The following IMPG2 variants were observed in gnomAD, a reference collection of about 807,000 sequenced individuals.
The protein encoded by IMPG2 is interphotoreceptor matrix proteoglycan 2.
IMPG2 carries 91 observed loss-of-function variants against 129.2 expected under a neutral mutation model. That is an observed-to-expected ratio of 0.70 (90% confidence interval 0.59 to 0.84). The LOEUF is 0.84. IMPG2 is among the 40% of genes least tolerant of loss of function. The pLI is 0.00. For synonymous variants in IMPG2, 510 were observed against 517.7 expected, an observed-to-expected ratio of 0.99 and a Z score of 0.20; for missense variants, 1,430 against 1,461.7, an observed-to-expected ratio of 0.98 and a Z score of 0.35.
intron 11 of IMPG2, among the ~76,000 whole-genome samples, chr3:101,251,804 T>C (rs1313409788): frequency 1.3e-5 from 2 of 152,054 alleles, no homozygotes; most frequent in Non-Finnish European, 1.5e-5. Context: ...TATAAAATAA[T>C]TTTTAAAAAT....
Position 101,291,470 on chromosome 3 carries a change from G to T in IMPG2, c.533+9C>A. On this transcript the variant is annotated intron_variant, in intron 4 of 18. Transcript: ENST00000193391. Reference sequence around the variant, plus strand: ...CCAAACATGAATTTTGGGAAAAAGAGACACTCACCTGCTTACAGTTTCCTT... The same window carrying T: ...CCAAACATGAATTTTGGGAAAAAGATACACTCACCTGCTTACAGTTTCCTT... The T allele has an allele frequency of 6.2e-7, 1 of 1,611,930 alleles. No homozygotes were observed.
At chr3:101,244,915 T>C (rs982200778) in intron 12 of IMPG2, 128 bp from the exon 13 acceptor site, 299 of 781,760 alleles carry the variant, frequency 3.8e-4, no homozygotes, top group Non-Finnish European at 3.4e-4. Flanking sequence ...CTTTTGCTTT[T>C]CTATATCTAG....
At chr3:101,285,872 A>C (rs1203801207) in intron 4 of IMPG2, among the ~76,000 whole-genome samples, 1 of 152,202 alleles carries the variant, frequency 6.6e-6, no homozygotes, top group Non-Finnish European at 1.5e-5. Flanking sequence ...CTGGGCTTTT[A>C]GTATGTAAAT....
At chr3:101,238,506 C>A (rs554275540) in intron 14 of IMPG2, among the ~76,000 whole-genome samples, 1 of 152,302 alleles carries the variant, frequency 6.6e-6, no homozygotes, top group East Asian at 1.9e-4. Context: ...ACCCATCAGA[C>A]TAACAGCGGA....
intron 5 of IMPG2, 81 bp downstream of exon 5, chr3:101,276,583 C>A: frequency 1.1e-6 from 1 of 940,718 alleles, no homozygotes; most frequent in Non-Finnish European, 1.7e-6. Context: ...AGGTAAGCTG[C>A]AAAAAATGTA....
At chr3:101,239,385 A>C (rs1454607584) in intron 14 of IMPG2, among the ~76,000 whole-genome samples, 2 of 152,242 alleles carry the variant, frequency 1.3e-5, no homozygotes, top group African/African-American at 4.8e-5. Flanking sequence ...TCACAATGAG[A>C]TACCATCTCA....
rs1270701020 is a variant in IMPG2 at position 101,284,256 on chromosome 3, C to T, written c.533+7223G>A. 2.6e-5 allele frequency among the ~76,000 whole-genome samples: 4 copies of T among 152,310 alleles called. No individual in the cohort carries two copies. The East Asian group carries it at 7.7e-4, about 29-fold the overall frequency. On this transcript the variant is annotated intron_variant, in intron 4 of 18. Coordinates refer to ENST00000193391, the MANE Select transcript of IMPG2 (RefSeq NM_016247.4). ...TGTTGAGTTTGAAATGTCTACTTGA[C>T]ATTCACATAGAGATGTCATCATAAA...
intron 3 of IMPG2, among the ~76,000 whole-genome samples, chr3:101,297,119 G>A (rs512242): frequency 0.72 from 109,327 of 152,074 alleles, 40,440 homozygotes; most frequent in East Asian, 0.84. Context: ...CATGTTAGCC[G>A]GGATGGTCTC....
intron 4 of IMPG2, among the ~76,000 whole-genome samples, chr3:101,282,127 G>A (rs1296513657): frequency 6.6e-6 from 1 of 152,166 alleles, no homozygotes; most frequent in Non-Finnish European, 1.5e-5. Flanking sequence ...GGAAATGGGA[G>A]TTAATGGAGT....
chr3:101,231,029 GA>G lies in IMPG2; in HGVS notation c.3349del (p.Ser1117LeufsTer41). On this transcript the variant is annotated frameshift_variant, in exon 16 of 19. Transcript: ENST00000193391. LOFTEE classifies it high-confidence loss of function. ...CCTGATGAAGAAGTAGATGATAGCA[GA>G]AAAGATGACAAGAAGTCCAACCACG... Reference protein sequence around the residue: ...ASVVGLLVIFSAIIYFFIRTL... With the variant: ...ASVVGLLVIFXAIIYFFIRTL... 1 of 1,614,078 alleles carries G rather than the reference GA, an allele frequency of 6.2e-7. No homozygotes were observed.
At position 101,249,804 on chromosome 3, in the gene IMPG2, A is replaced by T. The variant is rs550307035; in HGVS notation, c.1240-3699T>A. 3.9e-5 allele frequency among the ~76,000 whole-genome samples: 6 copies of T among 152,166 alleles called. No homozygotes were observed. The South Asian group carries it at 1.2e-3, about 32-fold the overall frequency. On this transcript the variant is annotated intron_variant, in intron 11 of 18. Transcript: ENST00000193391. Reference sequence around the variant, plus strand: ...TTTCATGATTCATGTCAAAAAAAAAAAAAAAAGATCTAATTGGAGAGATGA... The same window carrying T: ...TTTCATGATTCATGTCAAAAAAAAATAAAAAAGATCTAATTGGAGAGATGA...
chr3:101,228,271 T>C (rs1706245095), intron 18 of IMPG2, among the ~76,000 whole-genome samples: 1 of 152,164 alleles, frequency 6.6e-6, no homozygotes, highest in Non-Finnish European at 1.5e-5. Context: ...TTTAATGAGA[T>C]TTGTAATTCA....
intron 3 of IMPG2, among the ~76,000 whole-genome samples, chr3:101,301,884 C>A (rs915200434): frequency 1.3e-5 from 2 of 152,178 alleles, no homozygotes; most frequent in Non-Finnish European, 2.9e-5. Context: ...TTTTAAAATT[C>A]AAAACTGCCA....
intron 8 of IMPG2, among the ~76,000 whole-genome samples, chr3:101,268,449 C>T (rs1414984197): frequency 6.6e-6 from 1 of 152,146 alleles, no homozygotes; most frequent in Non-Finnish European, 1.5e-5. Flanking sequence ...GTAAGTAGGA[C>T]AACTTCAAAT....
At chr3:101,256,287 C>A (rs1324483076) in intron 10 of IMPG2, among the ~76,000 whole-genome samples, 1 of 151,104 alleles carries the variant, frequency 6.6e-6, no homozygotes, top group African/African-American at 2.4e-5. Context: ...AAGTTTTTTT[C>A]TCTCCCTTTC....
intron 9 of IMPG2, 69 bp downstream of exon 9, chr3:101,267,442 C>T (rs2107244180): frequency 7.7e-7 from 1 of 1,295,224 alleles, no homozygotes; most frequent in Non-Finnish European, 1.1e-6. Flanking sequence ...TCCCCTGGAC[C>T]TACGGCCTGC....
At position 101,257,769 on chromosome 3, in the gene IMPG2, C is replaced by T. The variant is rs201089959; in HGVS notation, c.913G>A (p.Val305Ile). 1.5e-4 allele frequency: 247 copies of T among 1,612,706 alleles called. No homozygotes were observed. The highest frequency in any genetic ancestry group is 3.3e-4 in the South Asian group (30 of 91,064). ...AAGGTAACTGCATAGTAAACATCTA[C>T]GCCACTATGGATGGAAAGAGAGAAC... is the stretch of plus-strand genomic sequence containing the variant. ...FRSPKENDSG[V>I]DVYYAVTFNG... The change falls in exon 10 of 19, where the codon GTA becomes ATA. Residue 305 changes from valine to isoleucine, a missense_variant. Coordinates refer to ENST00000193391, the MANE Select transcript of IMPG2 (RefSeq NM_016247.4).
At chr3:101,261,950 C>T (rs919240306) in intron 9 of IMPG2, among the ~76,000 whole-genome samples, 8 of 152,100 alleles carry the variant, frequency 5.3e-5, no homozygotes, top group African/African-American at 1.9e-4. Context: ...TTGAACTGGA[C>T]TCATGCAGCT....
chr3:101,239,815 A>C (rs1706386660), intron 14 of IMPG2, among the ~76,000 whole-genome samples: 1 of 152,244 alleles, frequency 6.6e-6, no homozygotes, highest in Non-Finnish European at 1.5e-5. Context: ...GAACTAACAC[A>C]GTAATAGAAA....
Sources: gnomAD v4.1 joint callset for allele counts (sites outside exome capture counted in the v4.1 genomes callset) on GRCh38, gnomAD v4.1.1 for gene constraint, MANE v1.5 for transcripts, NCBI Gene and HGNC (gene_info 2026-07-23, HGNC 2026-07-21) for gene names.